The following KCNH5 variants were observed in gnomAD, a reference collection of about 807,000 sequenced individuals.
KCNH5 encodes potassium voltage-gated channel subfamily H member 5, also known as voltage-gated delayed rectifier potassium channel KCNH5.
In KCNH5, 46 loss-of-function variants were observed where a neutral mutation model predicts 96.1. The ratio of observed to expected loss-of-function variants is 0.48; its 90% CI spans 0.38 to 0.61. The LOEUF (loss-of-function observed/expected upper bound fraction) is 0.61, where lower values mean the gene tolerates loss of function less well. Ranked by LOEUF, KCNH5 falls within the 20% of genes least tolerant of loss-of-function variation. The pLI is 0.00. For synonymous variants in KCNH5, 439 were observed against 449.8 expected (o/e 0.98, Z 0.30); for missense variants, 907 against 1,225.8 (o/e 0.74, Z 3.88).
At chr14:62,962,062 A>G (rs1037099694) in intron 6 of KCNH5, among the ~76,000 whole-genome samples, 2 of 151,968 alleles carry the variant, frequency 1.3e-5, no homozygotes, top group African/African-American at 4.8e-5. Context: ...TGGAGAGAAG[A>G]TAGAGATGGA....
intron 5 of KCNH5, among the ~76,000 whole-genome samples, chr14:62,983,997 C>A (rs1313193936): frequency 6.6e-6 from 1 of 151,990 alleles, no homozygotes; most frequent in Non-Finnish European, 1.5e-5. Flanking sequence ...AAAATGGCAA[C>A]AACAAAAAAC....
chr14:62,763,940 A>T (rs1472790729), intron 10 of KCNH5, among the ~76,000 whole-genome samples: 1 of 152,168 alleles, frequency 6.6e-6, no homozygotes, highest in Non-Finnish European at 1.5e-5. Context: ...TTCATACCCA[A>T]ATTCTACCAG....
intron 7 of KCNH5, among the ~76,000 whole-genome samples, chr14:62,879,164 C>T (rs1361596988): frequency 6.6e-6 from 1 of 152,140 alleles, no homozygotes; most frequent in Non-Finnish European, 1.5e-5. Context: ...CATTTAGATA[C>T]TACTACATGC....
At chr14:63,018,214 G>T (rs973398002) in intron 1 of KCNH5, among the ~76,000 whole-genome samples, 11 of 151,722 alleles carry the variant, frequency 7.3e-5, no homozygotes, top group African/African-American at 2.7e-4. Flanking sequence ...TGTCTATTCC[G>T]CTGAGAGCAC....
At chr14:62,866,077 C>G (rs1346276083) in intron 7 of KCNH5, among the ~76,000 whole-genome samples, 1 of 152,154 alleles carries the variant, frequency 6.6e-6, no homozygotes, top group Non-Finnish European at 1.5e-5. Flanking sequence ...ATATATTACT[C>G]TACTTATTAT....
chr14:62,925,688 G>T (rs1889461993), intron 7 of KCNH5, among the ~76,000 whole-genome samples: 1 of 151,964 alleles, frequency 6.6e-6, no homozygotes, highest in Non-Finnish European at 1.5e-5. Context: ...ATTGTCCTTT[G>T]TGCCCACATG....
At chr14:63,003,596 A>ATT in intron 3 of KCNH5, among the ~76,000 whole-genome samples, 1 of 122,502 alleles carries the variant, frequency 8.2e-6, no homozygotes, top group Admixed American at 9.6e-5. Flanking sequence ...ATATATATTT[A>ATT]TATATTTATA....
chr14:62,817,732 T>TATG (rs1887018379), intron 8 of KCNH5, among the ~76,000 whole-genome samples: 1 of 147,184 alleles, frequency 6.8e-6, no homozygotes, highest in African/African-American at 2.5e-5. Context: ...ATATATTCTA[T>TATG]ATAATAATAT....
intron 9 of KCNH5, among the ~76,000 whole-genome samples, chr14:62,798,736 T>C (rs1250785260): frequency 6.6e-6 from 1 of 152,224 alleles, no homozygotes; most frequent in Non-Finnish European, 1.5e-5. Flanking sequence ...TTTCCATTAA[T>C]TAGTTATGCT....
chr14:62,753,763 C>T (rs1325625899), intron 10 of KCNH5, among the ~76,000 whole-genome samples: 2 of 152,108 alleles, frequency 1.3e-5, no homozygotes, highest in Non-Finnish European at 2.9e-5. Flanking sequence ...TTCAAACATA[C>T]AGGAAAGATA....
At chr14:62,898,574 T>C (rs1027933658) in intron 7 of KCNH5, among the ~76,000 whole-genome samples, 9 of 152,132 alleles carry the variant, frequency 5.9e-5, no homozygotes, top group Admixed American at 1.3e-4. Context: ...ATTGTCAAAG[T>C]GATTTTTTAA....
At chr14:62,919,606 C>G (rs1227484437) in intron 7 of KCNH5, among the ~76,000 whole-genome samples, 1 of 151,992 alleles carries the variant, frequency 6.6e-6, no homozygotes, top group African/African-American at 2.4e-5. Context: ...GTAATAATAA[C>G]ACTTATCTAG....
chr14:62,894,127 C>A (rs535761930), intron 7 of KCNH5, among the ~76,000 whole-genome samples: 2 of 152,228 alleles, frequency 1.3e-5, no homozygotes, highest in African/African-American at 2.4e-5. Context: ...TAATAGACTG[C>A]AGTATCATGT....
chr14:62,717,492 G>T (rs1884709795), intron 10 of KCNH5, among the ~76,000 whole-genome samples: 1 of 152,126 alleles, frequency 6.6e-6, no homozygotes, highest in Non-Finnish European at 1.5e-5. Flanking sequence ...TGCATCTATG[G>T]TCAACCGGTT....
At chr14:62,781,499 T>C (rs530706054) in intron 9 of KCNH5, among the ~76,000 whole-genome samples, 73 of 152,252 alleles carry the variant, frequency 4.8e-4, no homozygotes, top group Non-Finnish European at 6.9e-4. Context: ...CTGGAGTCTA[T>C]TTCACCTCTG....
At chr14:62,772,169 T>G (rs914044751) in intron 10 of KCNH5, among the ~76,000 whole-genome samples, 1 of 152,138 alleles carries the variant, frequency 6.6e-6, no homozygotes, top group East Asian at 1.9e-4. Context: ...CAGTTCTATA[T>G]GAAAATATTC....
In KCNH5 at chr14:62,912,437, G is replaced by C. The variant is rs928290094; in HGVS notation, c.1369+37696C>G. On this transcript the variant is annotated intron_variant, in intron 7 of 10. Coordinates refer to ENST00000322893, the MANE Select transcript of KCNH5 (RefSeq NM_139318.5). ...TTTTTTTTTTTTTAGACGGAGTTTC[G>C]CTTTTTTCGCCCTGGATGGAGTGCA... Among the ~76,000 whole-genome samples the C allele has an allele frequency of 2.0e-5, 3 of 147,940 alleles. No homozygotes were observed. The East Asian group carries it at 5.9e-4, about 29-fold the overall frequency.
chr14:62,883,070 G>T (rs1888525663), intron 7 of KCNH5, among the ~76,000 whole-genome samples: 1 of 152,148 alleles, frequency 6.6e-6, no homozygotes, highest in Admixed American at 6.5e-5. Context: ...ATCACAGTGG[G>T]AACTGTTTAA....
At chr14:62,861,831 T>A (rs1888040995) in intron 7 of KCNH5, among the ~76,000 whole-genome samples, 1 of 152,208 alleles carries the variant, frequency 6.6e-6, no homozygotes. Flanking sequence ...CAATCCATTA[T>A]TTCGATACAG....
Sources: gnomAD v4.1 joint callset for allele counts (sites outside exome capture counted in the v4.1 genomes callset) on GRCh38, gnomAD v4.1.1 for gene constraint, MANE v1.5 for transcripts, NCBI Gene and HGNC (gene_info 2026-07-23, HGNC 2026-07-21) for gene names.